TEX12: variants seen among roughly 807,000 people sequenced by gnomAD.
TEX12 encodes the protein testis expressed 12, also known as testis-expressed protein 12.
A neutral mutation model predicts 14.6 loss-of-function variants in TEX12; 7 were observed. The ratio of observed to expected loss-of-function variants is 0.48; its 90% CI spans 0.27 to 0.90. The LOEUF (loss-of-function observed/expected upper bound fraction) is 0.90, where lower values mean the gene tolerates loss of function less well. Ranked by LOEUF, TEX12 falls within the 40% of genes least tolerant of loss-of-function variation. The probability of loss-of-function intolerance (pLI) is 0.12; values close to 1 mark genes in which losing one functional copy is unlikely to be tolerated. For missense variants in TEX12, 121 were observed against 135.7 expected (o/e 0.89, Z 0.54); for synonymous variants, 57 against 49.1 (o/e 1.16, Z -0.67).
intron 1 of TEX12, 46 bp from the exon 2 acceptor site, chr11:112,169,207 A>G: frequency 1.6e-6 from 2 of 1,267,810 alleles, no homozygotes; most frequent in South Asian, 1.2e-5. Flanking sequence ...GAGAGCTTGT[A>G]GCATGGAGTT....
chr11:112,172,093 A>G lies in TEX12; in HGVS notation c.*177A>G. The stretch of plus-strand genomic sequence containing the variant: ...AACTTTTAAATTCCTTAATGTTAAT[A>G]TTAATGTTCATGTTAATGTCCTAAG... On this transcript the variant is annotated 3_prime_UTR_variant, in exon 5 of 5. Coordinates refer to ENST00000280358, the MANE Select transcript of TEX12 (RefSeq NM_031275.4). 2.7e-6 allele frequency: 1 copy of G among 366,764 alleles called. No homozygotes were observed. Among genetic ancestry groups the G allele is most frequent in the Non-Finnish European group, 4.8e-6 (1 of 209,594 alleles). 22.7% of individuals were successfully genotyped at this position (366,764 alleles called of 1,614,324 possible). A position where few individuals can be genotyped will look rare whatever the true frequency, so the allele number is the denominator to read the frequency against.
At chr11:112,170,700 G>T (rs1162382164) in intron 4 of TEX12, 26 bp downstream of exon 4, 3 of 1,566,376 alleles carry the variant, frequency 1.9e-6, no homozygotes, top group East Asian at 2.2e-5. Flanking sequence ...ATATTCTCTG[G>T]GGTCTTTATG....
rs1184583501 is a variant in TEX12, at chr11:112,171,767, A to G, written c.228-5A>G. ...AGTTTAATATACAACTTTTTTTCCT[A>G]TTAGTGAGAGAGCAGCAGTAGATGC... On this transcript the variant is annotated splice_polypyrimidine_tract_variant and splice_region_variant and intron_variant, in intron 4 of 4. Transcript: ENST00000280358. 9 of 1,521,104 alleles carry G rather than the reference A, an allele frequency of 5.9e-6. 1 individual carries two copies. In the East Asian group the frequency reaches 7.2e-5, roughly 12 times the overall value. 94.2% of individuals were successfully genotyped at this position (1,521,104 alleles called of 1,614,324 possible).
intron 1 of TEX12, among the ~76,000 whole-genome samples, chr11:112,168,259 A>G (rs1866749774): frequency 6.6e-6 from 1 of 152,220 alleles, no homozygotes. Context: ...GGCTCCCCTC[A>G]TCTCAAAGAC....
intron 1 of TEX12, among the ~76,000 whole-genome samples, chr11:112,168,888 C>A (rs1866757199): frequency 6.6e-6 from 1 of 152,150 alleles, no homozygotes; most frequent in Non-Finnish European, 1.5e-5. Context: ...AGTCCTGAAA[C>A]AAGGCAGAAT....
rs1866762218 is a variant in TEX12, at chr11:112,169,244, GC to G, written c.-16-8del. 6.2e-7 allele frequency: 1 copy of G among 1,606,192 alleles called. No homozygotes were observed. Among genetic ancestry groups the G allele is most frequent in the Admixed American group, 1.7e-5 (1 of 59,996 alleles). On this transcript the variant is annotated splice_region_variant and splice_polypyrimidine_tract_variant and intron_variant, in intron 1 of 4. Transcript: ENST00000280358. The stretch of plus-strand genomic sequence containing the variant: ...GTACCTAAATCTGGCATTGTTCTAA[GC>G]TTTGTAGCTGGTGCCTTCGGAATAT...
chr11:112,171,732 A>T (rs1297223792), intron 4 of TEX12, 40 bp from the exon 5 acceptor site: 1 of 1,252,272 alleles, frequency 8.0e-7, no homozygotes, highest in Non-Finnish European at 1.1e-6. Flanking sequence ...GATGTTGTTT[A>T]TATCTACTTA....
At chr11:112,168,016 T>TTAATTA (rs1385869390) in intron 1 of TEX12, among the ~76,000 whole-genome samples, 2 of 152,198 alleles carry the variant, frequency 1.3e-5, no homozygotes, top group African/African-American at 2.4e-5. Context: ...ATTTTCTAGA[T>TTAATTA]ACTATTAATA....
rs757272178 is a variant in TEX12 at position 112,170,472 on chromosome 11, T to C, written c.117T>C (p.Ser39=). Residue 39 remains serine, a synonymous_variant, in exon 3 of 5, where the codon TCT becomes TCC. Coordinates refer to ENST00000280358, the MANE Select transcript of TEX12 (RefSeq NM_031275.4). ...CCTCTCTTGGAAAATCAGATTCATC[T>C]TTCTCTGAAATTTCCGGACTATTTT... ...QLSSLGKSDS[S]FSEISGLFYK... The C allele has an allele frequency of 7.7e-5, 124 of 1,613,756 alleles. No individual in the cohort carries two copies. Among genetic ancestry groups the C allele is most frequent in the Non-Finnish European group, 1.0e-4 (120 of 1,179,870 alleles).
At chr11:112,167,927 G>A (rs1382955301) in intron 1 of TEX12, among the ~76,000 whole-genome samples, 1 of 152,158 alleles carries the variant, frequency 6.6e-6, no homozygotes, top group Non-Finnish European at 1.5e-5. Flanking sequence ...GAAGGGAAGA[G>A]AGAAAAATCT....
At chr11:112,170,817 A>G in intron 4 of TEX12, 143 bp downstream of exon 4, 1 of 608,874 alleles carries the variant, frequency 1.6e-6, no homozygotes, top group Non-Finnish European at 2.8e-6. Flanking sequence ...AGTCCCTTAT[A>G]ATAGATTAGT....
chr11:112,171,780 C>T lies in TEX12; in HGVS notation c.236C>T (p.Ala79Val). 1 of 1,543,200 alleles carries T rather than the reference C, an allele frequency of 6.5e-7. No homozygotes were observed. The highest frequency in any genetic ancestry group is 1.3e-5 in the South Asian group (1 of 79,200). ...STYAKLLSER[A>V]AVDASYIDEI... Reference sequence around the variant, plus strand: ...ACTTTTTTTCCTATTAGTGAGAGAGCAGCAGTAGATGCATCTTACATTGAT... The same window carrying T: ...ACTTTTTTTCCTATTAGTGAGAGAGTAGCAGTAGATGCATCTTACATTGAT... The change falls in exon 5 of 5, where the codon GCA becomes GTA. Residue 79 changes from alanine to valine, a missense_variant. Coordinates refer to ENST00000280358, the MANE Select transcript of TEX12 (RefSeq NM_031275.4).
intron 4 of TEX12, among the ~76,000 whole-genome samples, chr11:112,171,508 G>A (rs898322458): frequency 4.6e-5 from 7 of 151,902 alleles, no homozygotes; most frequent in African/African-American, 1.5e-4. Flanking sequence ...TGGTTTGTGT[G>A]GCTGTAAAAA....
intron 4 of TEX12, 32 bp downstream of exon 4, chr11:112,170,706 TTA>T: frequency 1.3e-6 from 2 of 1,544,250 alleles, no homozygotes; most frequent in Non-Finnish European, 1.8e-6. Flanking sequence ...TCTGGGGTCT[TTA>T]TGTTAGTTTT....
In TEX12 at chr11:112,169,311, A is replaced by G. The variant is rs760828540; in HGVS notation, c.43A>G (p.Lys15Glu). Residue 15 changes from lysine (K) to glutamate (E), a missense_variant, in exon 2 of 5, where the codon AAG becomes GAG. Transcript: ENST00000280358. The part of the protein sequence containing the change: ...HLVKPDNRNC[K>E]RPRELESPVP... ...TGTAAAGCCTGATAATAGAAATTGC[A>G]AGAGGCCAAGAGAATTGGAGGTAAG... The G allele has an allele frequency of 1.2e-6, 2 of 1,613,484 alleles. No individual in the cohort carries two copies. The highest frequency in any genetic ancestry group is 3.3e-5 in the Admixed American group (2 of 60,026).
intron 1 of TEX12, 130 bp from the exon 2 acceptor site, chr11:112,169,123 G>A (rs1866761261): frequency 3.0e-6 from 2 of 674,140 alleles, no homozygotes; most frequent in Non-Finnish European, 5.3e-6. Context: ...GAGAAATTGA[G>A]TTTAGGAAAG....
Position 112,169,867 on chromosome 11 carries a change from C to A in TEX12, c.63+536C>A, listed in dbSNP as rs775773377. ...ACGCTTTTTCAACAGGAGTTTAAAA[C>A]CACATTTAAAGTCTAATTTAAGGCT... On this transcript the variant is annotated intron_variant, in intron 2 of 4. Coordinates refer to ENST00000280358, the MANE Select transcript of TEX12 (RefSeq NM_031275.4). Among the ~76,000 whole-genome samples the A allele has an allele frequency of 2.0e-5, 3 of 152,298 alleles. No individual in the cohort carries two copies. The South Asian group carries it at 6.2e-4, about 32-fold the overall frequency.
At chr11:112,169,766 C>T (rs1003235889) in intron 2 of TEX12, among the ~76,000 whole-genome samples, 8 of 152,212 alleles carry the variant, frequency 5.3e-5, no homozygotes, top group African/African-American at 1.9e-4. Context: ...AGCAAAATTT[C>T]ACAAGCATTT....
intron 4 of TEX12, among the ~76,000 whole-genome samples, 192 bp from the exon 5 acceptor site, chr11:112,171,580 A>G (rs1206643762): frequency 1.3e-5 from 2 of 152,028 alleles, no homozygotes; most frequent in African/African-American, 4.8e-5. Flanking sequence ...TTGTGTCAGG[A>G]GACCTTTTTG....
Sources: gnomAD v4.1 joint callset for allele counts (sites outside exome capture counted in the v4.1 genomes callset) on GRCh38, gnomAD v4.1.1 for gene constraint, MANE v1.5 for transcripts, NCBI Gene and HGNC (gene_info 2026-07-23, HGNC 2026-07-21) for gene names.